Variants in RUFY4 observed in about 807,000 individuals in gnomAD.
The protein encoded by RUFY4 is RUN and FYVE domain-containing protein 4.
RUFY4 carries 73 observed loss-of-function variants against 69.0 expected under a neutral mutation model. The ratio of observed to expected loss-of-function variants is 1.06; its 90% CI spans 0.88 to 1.29. The LOEUF (loss-of-function observed/expected upper bound fraction) is 1.29, where lower values mean the gene tolerates loss of function less well. Among genes scored for constraint, RUFY4 ranks in the 50% most tolerant of loss-of-function variants. The pLI is 0.00. For missense variants in RUFY4, 770 were observed against 705.6 expected (o/e 1.09, Z -1.03); for synonymous variants, 287 against 271.8 (o/e 1.06, Z -0.55).
exon 9 of RUFY4, chr2:218,083,172 G>A (rs1306564005): frequency 6.2e-7 from 1 of 1,613,784 alleles, no homozygotes; most frequent in Non-Finnish European, 8.5e-7. Flanking sequence ...GAGGCTGAGA[G>A]GAGGGATGCC....
At chr2:218,072,956 CT>C in intron 4 of RUFY4, 71 bp downstream of exon 6, 1 of 1,237,016 alleles carries the variant, frequency 8.1e-7, no homozygotes. Context: ...AAGAGCCCTC[CT>C]TTAACCCCCA....
chr2:218,071,427 G>A (rs1289046704), intron 2 of RUFY4, among the ~76,000 whole-genome samples: 1 of 151,994 alleles, frequency 6.6e-6, no homozygotes, highest in African/African-American at 2.4e-5. Flanking sequence ...CGGGGCCTTT[G>A]CTCGGGCTCT....
chr2:218,066,538 C>A (rs1043127487), upstream of RUFY4, among the ~76,000 whole-genome samples: 8 of 152,140 alleles, frequency 5.3e-5, no homozygotes, highest in African/African-American at 1.9e-4. Context: ...TGATTGCAGG[C>A]CAGGAATCTC....
chr2:218,081,546 C>G (rs1466277644), intron 8 of RUFY4, among the ~76,000 whole-genome samples: 1 of 152,168 alleles, frequency 6.6e-6, no homozygotes, highest in Admixed American at 6.5e-5. Flanking sequence ...CTGCTTTATT[C>G]CTGGCACCTA....
upstream of RUFY4, among the ~76,000 whole-genome samples, chr2:218,066,293 C>T (rs1388543311): frequency 6.7e-6 from 1 of 148,666 alleles, no homozygotes; most frequent in East Asian, 2.0e-4. Context: ...AAGGGATTCT[C>T]CTGCCTCAGC....
At chr2:218,069,283 G>A (rs1288594635), upstream of RUFY4, 1 of 152,342 alleles carries the variant, frequency 6.6e-6, no homozygotes, top group African/African-American at 2.4e-5. Context: ...GCAAGGCAGA[G>A]TCACTAGGGA....
At chr2:218,043,018 C>A (rs1688737670) in intron 2 of RUFY4, among the ~76,000 whole-genome samples, 1 of 152,120 alleles carries the variant, frequency 6.6e-6, no homozygotes, top group Non-Finnish European at 1.5e-5. Context: ...AAGTTTTGGT[C>A]TTGCACCCAG....
At chr2:218,069,950 C>T (rs1468589318), upstream of RUFY4, among the ~76,000 whole-genome samples, 1 of 152,158 alleles carries the variant, frequency 6.6e-6, no homozygotes, top group Non-Finnish European at 1.5e-5. Context: ...GCTCCCCACA[C>T]ACACGCAGCA....
chr2:218,038,681 G>C (rs544497551), intron 2 of RUFY4, among the ~76,000 whole-genome samples: 17 of 152,244 alleles, frequency 1.1e-4, no homozygotes, highest in Admixed American at 1.0e-3. Context: ...TAGCGGGTGA[G>C]GGGTTTTTGG....
At chr2:218,054,359 A>T (rs1177659026) in intron 2 of RUFY4, among the ~76,000 whole-genome samples, 1 of 152,142 alleles carries the variant, frequency 6.6e-6, no homozygotes, top group Non-Finnish European at 1.5e-5. Flanking sequence ...GCTCGAGACC[A>T]GCCTGGCCAA....
chr2:218,048,943 G>C (rs1212492240), intron 2 of RUFY4, among the ~76,000 whole-genome samples: 1 of 152,138 alleles, frequency 6.6e-6, no homozygotes, highest in African/African-American at 2.4e-5. Flanking sequence ...GGGTTAAGTT[G>C]GCTGATTGTT....
intron 5 of RUFY4, 41 bp downstream of exon 7, chr2:218,073,427 T>G: frequency 6.4e-7 from 1 of 1,565,614 alleles, no homozygotes; most frequent in Non-Finnish European, 8.7e-7. Flanking sequence ...TTTTGACACC[T>G]GGTCCCATGG....
chr2:218,047,041 T>TA (rs201363231), intron 2 of RUFY4, among the ~76,000 whole-genome samples: 20,181 of 123,110 alleles, frequency 0.16, 1,699 homozygotes, highest in East Asian at 0.29. Flanking sequence ...TCATTGTGGT[T>TA]AAAAAAAAAA....
At chr2:218,080,008 G>A (rs1479199086) in intron 8 of RUFY4, among the ~76,000 whole-genome samples, 1 of 152,202 alleles carries the variant, frequency 6.6e-6, no homozygotes, top group African/African-American at 2.4e-5. Flanking sequence ...GGTGACATTT[G>A]AGCAGAAGCC....
At chr2:218,045,040 G>A (rs551593972) in intron 2 of RUFY4, among the ~76,000 whole-genome samples, 93 of 152,254 alleles carry the variant, frequency 6.1e-4, no homozygotes, top group African/African-American at 2.0e-3. Flanking sequence ...CACATTGGTT[G>A]AACTAATTTA....
chr2:218,044,164 A>G (rs1212700160), intron 2 of RUFY4, among the ~76,000 whole-genome samples: 1 of 152,148 alleles, frequency 6.6e-6, no homozygotes, highest in Non-Finnish European at 1.5e-5. Flanking sequence ...AGGCTTGGGC[A>G]GCTGCTGTGG....
chr2:218,088,455 CAA>C lies in RUFY4; in HGVS notation c.1503-783_1503-782del, dbSNP rs112643399. On this transcript the variant is annotated intron_variant, in intron 9 of 10. Coordinates refer to ENST00000344321, the Ensembl canonical transcript of RUFY4. ...CCTGGGCAACAGAGTGAGATGCTGT[CAA>C]AAAAAAAAAAAAAGAAAAGAAAAAA... Among the ~76,000 whole-genome samples, 393 of 88,264 alleles carry C rather than the reference CAA, an allele frequency of 4.5e-3. 1 individual carries two copies. Among genetic ancestry groups the C allele is most frequent in the African/African-American group, 0.012 (346 of 29,086 alleles). 57.9% of individuals were successfully genotyped at this position (88,264 alleles called of 152,430 possible).
intron 8 of RUFY4, among the ~76,000 whole-genome samples, chr2:218,077,228 T>G (rs1318783403): frequency 7.3e-6 from 1 of 136,174 alleles, no homozygotes; most frequent in Admixed American, 7.3e-5. Flanking sequence ...TGCCTGCACT[T>G]CAGTCTCTCC....
chr2:218,061,869 G>T (rs1689202901), intron 3 of RUFY4, among the ~76,000 whole-genome samples: 1 of 152,214 alleles, frequency 6.6e-6, no homozygotes, highest in Non-Finnish European at 1.5e-5. Context: ...CAATGGGGTT[G>T]TACCCTCAAA....
Sources: gnomAD v4.1 joint callset for allele counts (sites outside exome capture counted in the v4.1 genomes callset) on GRCh38, gnomAD v4.1.1 for gene constraint, MANE v1.5 for transcripts, NCBI Gene and HGNC (gene_info 2026-07-23, HGNC 2026-07-21) for gene names.